PTK2B: variants seen among roughly 807,000 people sequenced by gnomAD.
The protein encoded by PTK2B is protein tyrosine kinase 2 beta, also known as protein-tyrosine kinase 2-beta.
Under a neutral mutation model 142.9 loss-of-function variants are expected in PTK2B, and 71 were observed. The observed-to-expected ratio is 0.50, with a 90% CI of 0.41 to 0.61. The LOEUF (loss-of-function observed/expected upper bound fraction) is 0.61, where lower values mean the gene tolerates loss of function less well. Among genes scored for constraint, PTK2B ranks in the 20% least tolerant of loss-of-function variants. The probability of loss-of-function intolerance (pLI) is 0.00; values close to 1 mark genes in which losing one functional copy is unlikely to be tolerated. For synonymous variants in PTK2B, 519 were observed against 503.4 expected (o/e 1.03, Z -0.42); for missense variants, 1,105 against 1,320.4 (o/e 0.84, Z 2.53).
At chr8:27,457,495 A>T (rs1193206267) in intron 30 of PTK2B, among the ~76,000 whole-genome samples, 1 of 152,372 alleles carries the variant, frequency 6.6e-6, no homozygotes, top group East Asian at 1.9e-4. Flanking sequence ...TTCTAAGGCC[A>T]TAGCTGCCAT....
At chr8:27,340,100 T>C (rs576191001) in intron 1 of PTK2B, among the ~76,000 whole-genome samples, 2 of 152,352 alleles carry the variant, frequency 1.3e-5, no homozygotes, top group South Asian at 2.1e-4. Context: ...AAAGCCCAGC[T>C]CCACATCACT....
chr8:27,373,802 TA>T (rs1403840261), intron 1 of PTK2B, among the ~76,000 whole-genome samples: 1 of 151,910 alleles, frequency 6.6e-6, no homozygotes, highest in East Asian at 1.9e-4. Context: ...CCTTCTGGTT[TA>T]AAGCAGGAGA....
intron 23 of PTK2B, 24 bp downstream of exon 23, chr8:27,444,295 G>A (rs778759835): frequency 1.2e-6 from 2 of 1,601,862 alleles, no homozygotes; most frequent in African/African-American, 1.3e-5. Flanking sequence ...CAGAGGACGG[G>A]AACTTCAGGT....
At chr8:27,382,979 G>C (rs952680194) in intron 1 of PTK2B, among the ~76,000 whole-genome samples, 1 of 152,150 alleles carries the variant, frequency 6.6e-6, no homozygotes, top group East Asian at 1.9e-4. Flanking sequence ...TTGAAATCAG[G>C]TAGTGTGATG....
Position 27,363,605 on chromosome 8 carries a change from C to G in PTK2B, c.-37-33943C>G, listed in dbSNP as rs759938705. Among the ~76,000 whole-genome samples the G allele has an allele frequency of 2.6e-4, 40 of 152,150 alleles. No individual in the cohort carries two copies. Among genetic ancestry groups the G allele is most frequent in the Non-Finnish European group, 3.7e-4 (25 of 68,030 alleles). On this transcript the variant is annotated intron_variant, in intron 1 of 30. Coordinates refer to ENST00000346049, the MANE Select transcript of PTK2B (RefSeq NM_173176.3). This position sits in a 1 kb window ranked among gnomAD's most constrained non-coding sequence, Gnocchi z 4.3. ...TCTTGCTGCTCTGAGCCTCTTGATT[C>G]TGATTTGGGTCTACCCCTGCCCTTC...
chr8:27,449,114 A>C (rs1416224557), intron 24 of PTK2B, among the ~76,000 whole-genome samples: 1 of 152,222 alleles, frequency 6.6e-6, no homozygotes, highest in Non-Finnish European at 1.5e-5. Flanking sequence ...CCCTGGAAAT[A>C]AGGACTTGTC....
chr8:27,391,065 A>C (rs372304060), intron 1 of PTK2B, among the ~76,000 whole-genome samples: 18 of 143,800 alleles, frequency 1.3e-4, no homozygotes, highest in African/African-American at 4.5e-4. Flanking sequence ...CTCTCTCTCA[A>C]ATCAGGAACA....
At position 27,363,481 on chromosome 8, in the gene PTK2B, TGAGA is replaced by T. The variant is rs1007785313; in HGVS notation, c.-37-34063_-37-34060del. Among the ~76,000 whole-genome samples, 2 of 152,122 alleles carry T rather than the reference TGAGA, an allele frequency of 1.3e-5. No homozygotes were observed. The highest frequency in any genetic ancestry group is 4.8e-5 in the African/African-American group (2 of 41,406). On this transcript the variant is annotated intron_variant, in intron 1 of 30. Transcript: ENST00000346049. This position sits in a 1 kb window ranked among gnomAD's most constrained non-coding sequence, Gnocchi z 4.3. ...GCAATGGGACAGGTTGCAGAAATGT[TGAGA>T]GAGTGAGTTTCTCATCACTAGAAGA...
At chr8:27,388,782 C>A (rs558921028) in intron 1 of PTK2B, among the ~76,000 whole-genome samples, 1 of 152,366 alleles carries the variant, frequency 6.6e-6, no homozygotes, top group African/African-American at 2.4e-5. Context: ...AGTGGCCACA[C>A]ACACACCAGG....
chr8:27,397,496 A>C (rs975685439), intron 1 of PTK2B, 52 bp from the exon 2 acceptor site: 74 of 1,362,526 alleles, frequency 5.4e-5, no homozygotes, highest in Non-Finnish European at 7.0e-5. Context: ...GCCATGAGGT[A>C]TGTGGGCCTG....
intron 10 of PTK2B, among the ~76,000 whole-genome samples, chr8:27,432,661 T>C (rs1017568814): frequency 1.3e-5 from 2 of 152,158 alleles, no homozygotes; most frequent in African/African-American, 4.8e-5. Flanking sequence ...GCCTAAGTTA[T>C]ACCAAGAGAA....
chr8:27,314,784 A>G (rs367640606), intron 3 of PTK2B, among the ~76,000 whole-genome samples: 22 of 152,260 alleles, frequency 1.4e-4, no homozygotes, highest in African/African-American at 5.1e-4. Flanking sequence ...TTCTTTGTTC[A>G]AGATGCCAAT....
chr8:27,312,347 TC>T (rs1301524020), exon 2 of PTK2B: 7 of 152,170 alleles, frequency 4.6e-5, no homozygotes, highest in Admixed American at 3.9e-4. Flanking sequence ...AATTCTTGTC[TC>T]TCCAAAGATC....
rs1252137962 is a variant in PTK2B at position 27,350,991 on chromosome 8, ATATAT to A, written c.-38+25311_-38+25315del. ...TCTCCGTCTCAAAAAAAAAAAAAAA[ATATAT>A]ATATATATATATATATATATATATA... On this transcript the variant is annotated intron_variant, in intron 1 of 30. Transcript: ENST00000346049. Among the ~76,000 whole-genome samples, 44 of 23,050 alleles carry A rather than the reference ATATAT, an allele frequency of 1.9e-3. 7 individuals carry two copies. Among genetic ancestry groups the A allele is most frequent in the East Asian group, 3.7e-3 (2 of 538 alleles). The allele number at this position is 23,050 out of a possible 152,430, so 15.1% of individuals were successfully genotyped here.
At chr8:27,356,502 C>G (rs958532976) in intron 1 of PTK2B, among the ~76,000 whole-genome samples, 8 of 152,104 alleles carry the variant, frequency 5.3e-5, no homozygotes, top group Non-Finnish European at 1.0e-4. Flanking sequence ...TCACTGCTCA[C>G]GAGGAATTCT....
chr8:27,454,033 A>G lies in PTK2B; in HGVS notation c.2596-121A>G, dbSNP rs570015107. ...CCGGGACAGGGCACAATTATTCTAA[A>G]GAAGAGTCCTTTCCAATCGGGCTGG... On this transcript the variant is annotated intron_variant, in intron 28 of 30. Transcript: ENST00000346049. 8 of 1,372,956 alleles carry G rather than the reference A, an allele frequency of 5.8e-6. No homozygotes were observed. The East Asian group carries it at 1.8e-4, about 32-fold the overall frequency. 85.0% of individuals were successfully genotyped at this position (1,372,956 alleles called of 1,614,324 possible).
chr8:27,350,099 C>A (rs1804953360), intron 1 of PTK2B, among the ~76,000 whole-genome samples: 2 of 152,182 alleles, frequency 1.3e-5, no homozygotes, highest in Non-Finnish European at 2.9e-5. Context: ...ATACTCAAAG[C>A]ATGATAAAGG....
At chr8:27,437,015 C>A (rs2163176) in intron 15 of PTK2B, 107 bp from the exon 16 acceptor site, 3 of 992,452 alleles carry the variant, frequency 3.0e-6, no homozygotes, top group African/African-American at 1.6e-5. Context: ...GGAGAAAGGG[C>A]CCTTTCCTGG....
At chr8:27,356,310 T>G (rs1184166466) in intron 1 of PTK2B, among the ~76,000 whole-genome samples, 1 of 152,222 alleles carries the variant, frequency 6.6e-6, no homozygotes, top group East Asian at 1.9e-4. Flanking sequence ...GGGCCAGAGC[T>G]GAGGGCAAAG....
Sources: allele counts gnomAD v4.1 joint callset (sites outside exome capture counted in the v4.1 genomes callset), GRCh38; gene constraint gnomAD v4.1.1; non-coding constraint Gnocchi (gnomAD v3.1); transcripts MANE v1.5; gene names NCBI Gene and HGNC (gene_info 2026-07-23, HGNC 2026-07-21).